The following SFPQ variants were observed in gnomAD, a reference collection of about 807,000 sequenced individuals.
The protein encoded by SFPQ is splicing factor proline and glutamine rich.
Under a neutral mutation model 72.9 loss-of-function variants are expected in SFPQ, and 11 were observed. The ratio of observed to expected loss-of-function variants is 0.15; its 90% CI spans 0.09 to 0.25. The LOEUF (loss-of-function observed/expected upper bound fraction) is 0.25. SFPQ is among the 10% of genes least tolerant of loss of function. SFPQ has a pLI of 1.00. For missense variants in SFPQ, 847 were observed against 993.3 expected (o/e 0.85, Z 1.98); for synonymous variants, 506 against 367.3 (o/e 1.38, Z -4.32).
chr1:35,187,494 G>A lies in SFPQ; in HGVS notation c.1816-243C>T, dbSNP rs1445090114. Among the ~76,000 whole-genome samples the A allele has an allele frequency of 1.3e-5, 2 of 152,182 alleles. 1 individual carries two copies. Among genetic ancestry groups the A allele is most frequent in the Non-Finnish European group, 2.9e-5 (2 of 68,026 alleles). ...GCCTGTAATCACAGCACTTTGGAAG[G>A]CCGAGGCAGGCAGATCACCTGAGGT... On this transcript the variant is annotated intron_variant, in intron 7 of 9. Coordinates refer to ENST00000357214, the MANE Select transcript of SFPQ (RefSeq NM_005066.3).
At position 35,192,828 on chromosome 1, in the gene SFPQ, C is replaced by T; in HGVS notation, c.222G>A (p.Pro74=). 6.6e-7 allele frequency: 1 copy of T among 1,514,138 alleles called. No individual in the cohort carries two copies. Among genetic ancestry groups the T allele is most frequent in the Non-Finnish European group, 8.8e-7 (1 of 1,137,974 alleles). 93.8% of individuals were successfully genotyped at this position (1,514,138 alleles called of 1,614,324 possible). A position where few individuals can be genotyped will look rare whatever the true frequency, so the allele number is the denominator to read the frequency against. ...PPHQQQQQPP[P]QQPPPQQPPP... is the part of the protein sequence containing the mutation. ...GCGGCTGCTGCGGCGGTGGCTGCTG[C>T]GGTGGTGGCTGTTGCTGCTGTTGGT... The change falls in exon 1 of 10, where the codon CCG becomes CCA. Residue 74 remains proline (P), a synonymous_variant. Transcript: ENST00000357214.
chr1:35,192,935 C>A lies in SFPQ; in HGVS notation c.115G>T (p.Gly39Cys), dbSNP rs765038579. Residue 39 changes from glycine to cysteine, a missense_variant, in exon 1 of 10, where the codon GGC (glycine) becomes TGC (cysteine). Physicochemically the swap from Gly to Cys is radical, Grantham distance 159. This residue lies in a region of SFPQ where 498 missense variants were observed against 405.1 expected (regional missense o/e 1.23). Transcript: ENST00000357214. ...HDFRSPPPGM[G>C]LNQNRGPMGP... ...ATGGGGCCGCGATTCTGATTGAGGC[C>A]CATGCCGGGCGGCGGAGAACGGAAG... The A allele has an allele frequency of 8.2e-6, 13 of 1,587,228 alleles. No individual in the cohort carries two copies. In the South Asian group the frequency reaches 1.3e-4, roughly 16 times the overall value.
At chr1:35,189,542 C>G (rs892257600) in intron 4 of SFPQ, among the ~76,000 whole-genome samples, 160 bp from the exon 5 acceptor site, 1 of 152,174 alleles carries the variant, frequency 6.6e-6, no homozygotes, top group Non-Finnish European at 1.5e-5. Context: ...CAAAAATACT[C>G]AGAACACTCA....
In SFPQ at chr1:35,190,674, GAA is replaced by G; in HGVS notation, c.1319+18_1319+19del. 1 of 1,611,446 alleles carries G rather than the reference GAA, an allele frequency of 6.2e-7. No individual in the cohort carries two copies. Among genetic ancestry groups the G allele is most frequent in the Non-Finnish European group, 8.5e-7 (1 of 1,178,480 alleles). The stretch of plus-strand genomic sequence containing the variant: ...TCATATAAGTTGATAGAAATTATTA[GAA>G]TAAACAAGACAACTTACGTCGTCAG... On this transcript the variant is annotated intron_variant, in intron 3 of 9. Transcript: ENST00000357214.
chr1:35,192,612 C>T lies in SFPQ; in HGVS notation c.438G>A (p.Gly146=), dbSNP rs1640083998. 2.9e-6 allele frequency: 4 copies of T among 1,369,000 alleles called. No individual in the cohort carries two copies. In the East Asian group the frequency reaches 1.2e-4, roughly 42 times the overall value. The allele number at this position is 1,369,000 out of a possible 1,614,324, so 84.8% of individuals were successfully genotyped here. A position where few individuals can be genotyped will look rare whatever the true frequency, so the allele number is the denominator to read the frequency against. The change falls in exon 1 of 10, where the codon GGG becomes GGA. Residue 146 remains glycine, a synonymous_variant. Transcript: ENST00000357214. ...GCGGCGGGGTCGGAGTCGGGCCTGG[C>T]CCGGACCCTGGCGGGGCCCCCGAGG... ...PPTSGAPPGS[G]PGPTPTPPPA...
downstream of SFPQ, chr1:35,180,707 A>G (rs2148606289): frequency 9.5e-7 from 1 of 1,058,054 alleles, no homozygotes; most frequent in East Asian, 5.2e-5. Context: ...GAAATTACTG[A>G]TATTGCCGAT....
downstream of SFPQ, chr1:35,182,181 A>T (rs529020163): frequency 5.5e-5 from 54 of 985,272 alleles, 2 homozygotes; most frequent in South Asian, 2.4e-3. Context: ...ACCCACACAC[A>T]TTCAAAGTTC....
downstream of SFPQ, chr1:35,179,310 A>G (rs906021527): frequency 9.4e-7 from 1 of 1,058,848 alleles, no homozygotes; most frequent in African/African-American, 1.6e-5. Flanking sequence ...TTATTGGGGA[A>G]AAGTGAGACT....
At position 35,182,998 on chromosome 1, in the gene SFPQ, C is replaced by T. The variant is rs1236099157; in HGVS notation, c.*1458G>A. 7.7e-6 allele frequency: 8 copies of T among 1,039,740 alleles called. No individual in the cohort carries two copies. In the South Asian group the frequency reaches 2.8e-4, roughly 36 times the overall value. 64.4% of individuals were successfully genotyped at this position (1,039,740 alleles called of 1,614,324 possible). A position where few individuals can be genotyped will look rare whatever the true frequency, so the allele number is the denominator to read the frequency against. On this transcript the variant is annotated 3_prime_UTR_variant, in exon 10 of 10. Coordinates refer to ENST00000357214, the MANE Select transcript of SFPQ (RefSeq NM_005066.3). ...TGTACTGTGTAGCATGAGCAACTTT[C>T]TCCAGATTTAGTGCTACATGAAAAC...
chr1:35,188,421 G>C (rs1386841604), intron 6 of SFPQ, among the ~76,000 whole-genome samples: 2 of 152,192 alleles, frequency 1.3e-5, no homozygotes, highest in Non-Finnish European at 2.9e-5. Context: ...ATTAAGGCCA[G>C]GGTTGGTAGT....
At chr1:35,191,218 G>A (rs1253730814) in intron 2 of SFPQ, 123 bp downstream of exon 2, 1 of 904,964 alleles carries the variant, frequency 1.1e-6, no homozygotes, top group Non-Finnish European at 1.7e-6. Context: ...CTGTAAGAAT[G>A]GTGAAAAATC....
At chr1:35,177,723 TCC>T in intron 4 of SFPQ, 1 of 160,390 alleles carries the variant, frequency 6.2e-6, no homozygotes, top group Admixed American at 6.5e-5. Context: ...TATGGCCTAT[TCC>T]CCTTAAGTCA....
Position 35,183,046 on chromosome 1 carries a change from A to C in SFPQ, c.*1410T>G. The stretch of plus-strand genomic sequence containing the variant: ...AACGAAACTATGTGAAAACAAGTTA[A>C]ATTTACAATAAGAATGATTATCTGC... On this transcript the variant is annotated 3_prime_UTR_variant, in exon 10 of 10. Transcript: ENST00000357214. 9.7e-7 allele frequency: 1 copy of C among 1,033,874 alleles called. No homozygotes were observed. The highest frequency in any genetic ancestry group is 1.2e-6 in the Non-Finnish European group (1 of 859,522). The allele number at this position is 1,033,874 out of a possible 1,614,324, so 64.0% of individuals were successfully genotyped here.
At chr1:35,178,666 T>C (rs1639343910), downstream of SFPQ, 1 of 1,055,960 alleles carries the variant, frequency 9.5e-7, no homozygotes, top group African/African-American at 1.6e-5. Context: ...GACATTCACC[T>C]TCACTATATG....
intron 7 of SFPQ, among the ~76,000 whole-genome samples, 189 bp downstream of exon 7, chr1:35,187,784 C>CA (rs1187159943): frequency 4.0e-5 from 6 of 151,204 alleles, no homozygotes; most frequent in Non-Finnish European, 7.4e-5. Flanking sequence ...AACCAAGAAA[C>CA]AAAACACAAA....
At chr1:35,176,873 CAA>C (rs10604866) in intron 5 of SFPQ, among the ~76,000 whole-genome samples, 17,886 of 91,452 alleles carry the variant, frequency 0.2, 2,429 homozygotes, top group East Asian at 0.6. Flanking sequence ...GACTCCGTCT[CAA>C]AAAAAAAAAA....
Position 35,190,608 on chromosome 1 carries a change from G to T in SFPQ, c.1320-15C>A. ...GACGAGGAGTTCTAATAACAAAAAT[G>T]GTTCCATCTTAGCTTTGTTCCAGTT... On this transcript the variant is annotated splice_polypyrimidine_tract_variant and intron_variant, in intron 3 of 9. Coordinates refer to ENST00000357214, the MANE Select transcript of SFPQ (RefSeq NM_005066.3). 6.2e-7 allele frequency: 1 copy of T among 1,609,140 alleles called. No individual in the cohort carries two copies. Among genetic ancestry groups the T allele is most frequent in the East Asian group, 2.2e-5 (1 of 44,826 alleles).
In SFPQ at chr1:35,189,298, C is replaced by A; in HGVS notation, c.1500G>T (p.Met500Ile). The change falls in exon 5 of 10, where the codon ATG becomes ATT. Residue 500 changes from methionine to isoleucine, a missense_variant. Physicochemically the swap from Met to Ile is conservative, Grantham distance 10 (BLOSUM62 1). This residue lies in a region of SFPQ where 132 missense variants were observed against 255.4 expected (regional missense o/e 0.52). Coordinates refer to ENST00000357214, the MANE Select transcript of SFPQ (RefSeq NM_005066.3). ...YSQRWKSLDEMEKQQREQVEK... is the reference protein window; with the variant it reads ...YSQRWKSLDEIEKQQREQVEK... ...CAACTTGTTCCCTTTGCTGTTTTTC[C>A]ATTTCATCCAAAGACTTCCATCGCT... The A allele has an allele frequency of 1.2e-6, 2 of 1,613,990 alleles. No homozygotes were observed. The highest frequency in any genetic ancestry group is 1.7e-6 in the Non-Finnish European group (2 of 1,179,926).
chr1:35,181,455 T>C (rs1309107969), downstream of SFPQ: 3 of 1,063,540 alleles, frequency 2.8e-6, no homozygotes, highest in East Asian at 1.0e-4. Context: ...ATATTAGTGG[T>C]ACAATACATC....
Sources: allele counts gnomAD v4.1 joint callset (sites outside exome capture counted in the v4.1 genomes callset), GRCh38; gene constraint gnomAD v4.1.1; regional missense constraint gnomAD v4.1.1; transcripts MANE v1.5; gene names NCBI Gene and HGNC (gene_info 2026-07-23, HGNC 2026-07-21).